SYNPO2: variants seen among roughly 807,000 people sequenced by gnomAD.
The protein encoded by SYNPO2 is synaptopodin-2.
A neutral mutation model predicts 85.0 loss-of-function variants in SYNPO2; 56 were observed. The observed-to-expected ratio is 0.66, with a 90% CI of 0.53 to 0.82. The LOEUF is 0.82. SYNPO2 is among the 40% of genes least tolerant of loss of function. The pLI is 0.00. For missense variants in SYNPO2, 1,575 were observed against 1,534.2 expected (o/e 1.03, Z -0.44); for synonymous variants, 602 against 591.1 (o/e 1.02, Z -0.27).
At chr4:118,894,444 G>C (rs1010192336) in intron 1 of SYNPO2, among the ~76,000 whole-genome samples, 1 of 152,124 alleles carries the variant, frequency 6.6e-6, no homozygotes, top group East Asian at 1.9e-4. Context: ...ACTGGCAAGA[G>C]GGGAGACTAG....
intron 1 of SYNPO2, among the ~76,000 whole-genome samples, chr4:118,857,170 C>T (rs188512178): frequency 9.7e-4 from 147 of 152,184 alleles, no homozygotes; most frequent in African/African-American, 3.4e-3. Flanking sequence ...AACCCTTTTC[C>T]AAACACTAAA....
At chr4:119,034,164 C>A in intron 4 of SYNPO2, 1 of 985,378 alleles carries the variant, frequency 1.0e-6, no homozygotes, top group Non-Finnish European at 1.2e-6. Context: ...ATTTTGAATT[C>A]TTTTCTAATA....
At position 119,027,023 on chromosome 4, in the gene SYNPO2, C is replaced by T; in HGVS notation, c.654C>T (p.Leu218=). The stretch of plus-strand genomic sequence containing the variant: ...GCGCTAGTGGCCCTTTAGTGGCTCT[C>T]CCGGGAGCTGAAAAATCTAAGTCTC... The part of the protein sequence containing the change: ...HKGASGPLVA[L]PGAEKSKSPD... The change falls in exon 3 of 5, where the codon CTC becomes CTT. Residue 218 remains leucine (L), a synonymous_variant. Transcript: ENST00000307142. 6.2e-7 allele frequency: 1 copy of T among 1,614,136 alleles called. No individual in the cohort carries two copies. The highest frequency in any genetic ancestry group is 8.5e-7 in the Non-Finnish European group (1 of 1,180,026).
chr4:118,937,520 G>C (rs1734149875), intron 1 of SYNPO2, among the ~76,000 whole-genome samples: 1 of 152,042 alleles, frequency 6.6e-6, no homozygotes, highest in Admixed American at 6.5e-5. Context: ...TGTGTCTAAA[G>C]TCTGCCTCAG....
At chr4:119,001,409 A>G (rs1170724953) in intron 1 of SYNPO2, among the ~76,000 whole-genome samples, 4 of 152,258 alleles carry the variant, frequency 2.6e-5, no homozygotes, top group African/African-American at 9.6e-5. Flanking sequence ...CCTTAAGTAG[A>G]TACTCATTGT....
chr4:119,026,849 A>C lies in SYNPO2; in HGVS notation c.480A>C (p.Thr160=), dbSNP rs764720482. 14 of 1,613,974 alleles carry C rather than the reference A, an allele frequency of 8.7e-6. No individual in the cohort carries two copies. The highest frequency in any genetic ancestry group is 8.3e-5 in the Admixed American group (5 of 59,994). Residue 160 remains threonine, a synonymous_variant, in exon 3 of 5, where the codon ACA becomes ACC. Coordinates refer to ENST00000307142, the MANE Select transcript of SYNPO2 (RefSeq NM_133477.3). ...GTGCAGGCAGCTTGAAAGAAGAAAC[A>C]GGCCCGAGCTACCAAAGGGCTCCCC... ...PDCAGSLKEE[T]GPSYQRAPQM...
At chr4:118,976,396 C>G (rs1002006787) in intron 1 of SYNPO2, among the ~76,000 whole-genome samples, 1 of 152,128 alleles carries the variant, frequency 6.6e-6, no homozygotes, top group East Asian at 1.9e-4. Context: ...AGCGTGGACC[C>G]AAAGAGTGAG....
At chr4:118,955,986 C>T (rs753500176) in intron 1 of SYNPO2, among the ~76,000 whole-genome samples, 2 of 152,066 alleles carry the variant, frequency 1.3e-5, no homozygotes, top group East Asian at 1.9e-4. Context: ...GGCATCAATC[C>T]TAGAAATATT....
At chr4:118,905,247 G>A (rs1305070573) in intron 1 of SYNPO2, among the ~76,000 whole-genome samples, 1 of 152,100 alleles carries the variant, frequency 6.6e-6, no homozygotes, top group Non-Finnish European at 1.5e-5. Flanking sequence ...CTGACTCTCT[G>A]TTTCTCTTTC....
intron 1 of SYNPO2, among the ~76,000 whole-genome samples, chr4:118,934,150 T>G (rs1734024169): frequency 6.6e-6 from 1 of 152,126 alleles, no homozygotes; most frequent in Admixed American, 6.6e-5. Flanking sequence ...TACACATAAT[T>G]GGATAAGAAT....
chr4:119,027,548 T>A, intron 3 of SYNPO2, 110 bp downstream of exon 3: 4 of 1,056,508 alleles, frequency 3.8e-6, no homozygotes, highest in Non-Finnish European at 5.2e-6. Context: ...CTCATTGGCT[T>A]AAAGAAATAT....
intron 1 of SYNPO2, among the ~76,000 whole-genome samples, chr4:118,910,908 A>G (rs1300906864): frequency 6.6e-6 from 1 of 152,094 alleles, no homozygotes; most frequent in Non-Finnish European, 1.5e-5. Flanking sequence ...TGAGTACTTT[A>G]TTTTCTAAAA....
At chr4:119,011,442 G>A (rs1290032538) in intron 1 of SYNPO2, among the ~76,000 whole-genome samples, 2 of 152,314 alleles carry the variant, frequency 1.3e-5, no homozygotes, top group African/African-American at 2.4e-5. Context: ...CTGTGGAGTT[G>A]CTTATTGAGT....
At chr4:119,029,762 A>T in intron 3 of SYNPO2, 83 bp from the exon 4 acceptor site, 1 of 1,419,980 alleles carries the variant, frequency 7.0e-7, no homozygotes, top group Non-Finnish European at 9.3e-7. Flanking sequence ...ATTTTCCCCC[A>T]GGAGAGTTCA....
At chr4:119,028,300 T>C (rs78360238) in intron 3 of SYNPO2, among the ~76,000 whole-genome samples, 472 of 151,912 alleles carry the variant, frequency 3.1e-3, no homozygotes, top group South Asian at 5.4e-3. Context: ...CTTGACTGTA[T>C]ATATGATACA....
At chr4:119,012,468 T>C (rs185423557) in intron 1 of SYNPO2, among the ~76,000 whole-genome samples, 3 of 150,826 alleles carry the variant, frequency 2.0e-5, no homozygotes, top group Non-Finnish European at 1.5e-5. Context: ...GTCATGGTGG[T>C]TTGCTGCACC....
In SYNPO2 at chr4:119,031,002, T is replaced by A. The variant is rs1578661073; in HGVS notation, c.2227T>A (p.Cys743Ser). ...CTACCTCAGCTTGGGGGCAGAGGCT[T>A]GTAATTTCATGCAAAGCTCCTCTGC... ...EDYLSLGAEA[C>S]NFMQSSSAKQ... The change falls in exon 4 of 5, where the codon TGT becomes AGT. Residue 743 changes from cysteine (C) to serine (S), a missense_variant. Transcript: ENST00000307142. 1 of 1,613,924 alleles carries A rather than the reference T, an allele frequency of 6.2e-7. No homozygotes were observed. The highest frequency in any genetic ancestry group is 1.7e-5 in the Admixed American group (1 of 59,982).
chr4:119,016,513 T>C (rs1317827886), intron 1 of SYNPO2, among the ~76,000 whole-genome samples: 1 of 152,230 alleles, frequency 6.6e-6, no homozygotes, highest in East Asian at 1.9e-4. Flanking sequence ...AGTATTTACA[T>C]AGATGCTTTT....
At chr4:118,918,417 A>G (rs1733427015) in intron 1 of SYNPO2, among the ~76,000 whole-genome samples, 1 of 152,272 alleles carries the variant, frequency 6.6e-6, no homozygotes, top group Non-Finnish European at 1.5e-5. Flanking sequence ...ATTTCATAGT[A>G]TTCTGTTCGT....
Sources: gnomAD v4.1 joint callset for allele counts (sites outside exome capture counted in the v4.1 genomes callset) on GRCh38, gnomAD v4.1.1 for gene constraint, MANE v1.5 for transcripts, NCBI Gene and HGNC (gene_info 2026-07-23, HGNC 2026-07-21) for gene names.